PARD3B: variants seen among roughly 807,000 people sequenced by gnomAD.
The protein encoded by PARD3B is partitioning defective 3 homolog B.
Under a neutral mutation model 130.2 loss-of-function variants are expected in PARD3B, and 103 were observed. The ratio of observed to expected loss-of-function variants is 0.79; its 90% CI spans 0.67 to 0.93. The LOEUF (loss-of-function observed/expected upper bound fraction) is 0.93. PARD3B is among the 40% of genes least tolerant of loss of function. The pLI is 0.00. For synonymous variants in PARD3B, 583 were observed against 553.2 expected (o/e 1.05, Z -0.76); for missense variants, 1,609 against 1,499.2 (o/e 1.07, Z -1.21).
At chr2:205,064,878 T>C (rs1009260403) in intron 4 of PARD3B, among the ~76,000 whole-genome samples, 1 of 152,138 alleles carries the variant, frequency 6.6e-6, no homozygotes, top group Non-Finnish European at 1.5e-5. Flanking sequence ...AGAGTTAAAT[T>C]TGAAAGCACT....
At chr2:205,329,236 T>A (rs1225308889) in intron 18 of PARD3B, among the ~76,000 whole-genome samples, 2 of 152,222 alleles carry the variant, frequency 1.3e-5, no homozygotes, top group African/African-American at 2.4e-5. Context: ...TGTGCTTATG[T>A]CTTACAGAGA....
At chr2:205,257,595 A>G (rs1221976926) in intron 16 of PARD3B, among the ~76,000 whole-genome samples, 3 of 152,314 alleles carry the variant, frequency 2.0e-5, no homozygotes, top group Non-Finnish European at 4.4e-5. Context: ...TTATTTTGAA[A>G]AATTATATAT....
At chr2:205,496,205 A>T (rs759257298) in intron 20 of PARD3B, among the ~76,000 whole-genome samples, 1 of 152,130 alleles carries the variant, frequency 6.6e-6, no homozygotes, top group Non-Finnish European at 1.5e-5. Flanking sequence ...TGCAATATGG[A>T]ATCAATTAAT....
intron 15 of PARD3B, among the ~76,000 whole-genome samples, chr2:205,238,649 T>C (rs1412240844): frequency 2.0e-5 from 3 of 151,060 alleles, no homozygotes; most frequent in African/African-American, 7.3e-5. Context: ...TTGACCAACA[T>C]GGTGAAACCC....
At chr2:205,427,611 G>A (rs6435283) in intron 19 of PARD3B, among the ~76,000 whole-genome samples, 235 of 151,986 alleles carry the variant, frequency 1.5e-3, no homozygotes, top group African/African-American at 5.6e-3. Context: ...TTTTTTTAAA[G>A]AAACAAATAT....
chr2:204,817,818 G>T (rs1189694992), intron 2 of PARD3B, among the ~76,000 whole-genome samples: 2 of 152,120 alleles, frequency 1.3e-5, no homozygotes, highest in Non-Finnish European at 2.9e-5. Context: ...GCAGTTAATA[G>T]AGCTCACCGT....
intron 15 of PARD3B, among the ~76,000 whole-genome samples, chr2:205,219,802 T>A (rs2038141523): frequency 6.6e-6 from 1 of 152,154 alleles, no homozygotes; most frequent in African/African-American, 2.4e-5. Flanking sequence ...TACCATGGAA[T>A]GATCAGAAAA....
intron 1 of PARD3B, among the ~76,000 whole-genome samples, chr2:204,603,568 TCATAA>T (rs1416519753): frequency 8.5e-5 from 13 of 152,154 alleles, no homozygotes; most frequent in African/African-American, 3.1e-4. Context: ...TTTTTAAAGA[TCATAA>T]CATAGGACAT....
intron 18 of PARD3B, among the ~76,000 whole-genome samples, chr2:205,321,000 T>A (rs982772881): frequency 6.6e-6 from 1 of 152,226 alleles, no homozygotes; most frequent in African/African-American, 2.4e-5. Context: ...CTCTTACTAG[T>A]GTAAAATTAT....
intron 10 of PARD3B, among the ~76,000 whole-genome samples, chr2:205,138,183 A>T (rs1377879271): frequency 2.0e-5 from 3 of 152,124 alleles, no homozygotes; most frequent in Non-Finnish European, 4.4e-5. Context: ...TGAATTTCTT[A>T]TTGGGAAATC....
chr2:205,595,628 A>G (rs1056449605), intron 22 of PARD3B, among the ~76,000 whole-genome samples: 1 of 152,236 alleles, frequency 6.6e-6, no homozygotes, highest in Non-Finnish European at 1.5e-5. Context: ...CCAACACCAA[A>G]TATGGCTGGA....
intron 1 of PARD3B, among the ~76,000 whole-genome samples, chr2:204,655,016 C>T (rs939195716): frequency 2.6e-5 from 4 of 152,062 alleles, no homozygotes; most frequent in Admixed American, 2.0e-4. Context: ...TTGTCTCCCC[C>T]AGAAATACTT....
chr2:205,319,275 C>T (rs1003836501), intron 18 of PARD3B, among the ~76,000 whole-genome samples: 2 of 152,134 alleles, frequency 1.3e-5, no homozygotes, highest in East Asian at 1.9e-4. Context: ...AATCCGCTCC[C>T]GTAGCATTGC....
chr2:205,275,362 T>C (rs2040897903), intron 16 of PARD3B, among the ~76,000 whole-genome samples: 2 of 152,154 alleles, frequency 1.3e-5, no homozygotes, highest in Admixed American at 1.3e-4. Context: ...TACAAGTTCA[T>C]GTGTCTTATG....
intron 22 of PARD3B, among the ~76,000 whole-genome samples, chr2:205,606,431 G>A (rs1413341536): frequency 6.6e-6 from 1 of 152,106 alleles, no homozygotes; most frequent in Non-Finnish European, 1.5e-5. Context: ...CATGGGTCAT[G>A]CCACCCACCT....
chr2:204,721,147 G>C (rs1364681605), intron 2 of PARD3B, among the ~76,000 whole-genome samples: 1 of 152,132 alleles, frequency 6.6e-6, no homozygotes, highest in Non-Finnish European at 1.5e-5. Context: ...GCTAAAACTT[G>C]GTTGGTTTTA....
At chr2:204,650,384 A>G (rs924052925) in intron 1 of PARD3B, among the ~76,000 whole-genome samples, 1 of 152,138 alleles carries the variant, frequency 6.6e-6, no homozygotes, top group African/African-American at 2.4e-5. Context: ...CAACCCAGCA[A>G]TCTCATTACT....
chr2:205,362,046 A>C lies in PARD3B; in HGVS notation c.2631-38967A>C, dbSNP rs145578136. The stretch of plus-strand genomic sequence containing the variant: ...GCTAGACCTTTTTCTGAACCTATTC[A>C]AACCCATTTGCTGTAGGTAACTGTC... On this transcript the variant is annotated intron_variant, in intron 18 of 22. Coordinates refer to ENST00000406610, the MANE Select transcript of PARD3B (RefSeq NM_001302769.2). Among the ~76,000 whole-genome samples the C allele has an allele frequency of 3.7e-3, 565 of 152,230 alleles. 3 individuals carry two copies. Among genetic ancestry groups the C allele is most frequent in the African/African-American group, 0.013 (545 of 41,546 alleles).
chr2:204,573,145 C>G (rs970854959), intron 1 of PARD3B, among the ~76,000 whole-genome samples: 1 of 152,178 alleles, frequency 6.6e-6, no homozygotes, highest in African/African-American at 2.4e-5. Flanking sequence ...GGCTGTATCT[C>G]AAGTGTGATG....
Sources: gnomAD v4.1 joint callset for allele counts (sites outside exome capture counted in the v4.1 genomes callset) on GRCh38, gnomAD v4.1.1 for gene constraint, MANE v1.5 for transcripts, NCBI Gene and HGNC (gene_info 2026-07-23, HGNC 2026-07-21) for gene names.